MARCHF4: variants seen among roughly 807,000 people sequenced by gnomAD.
The protein encoded by MARCHF4 is E3 ubiquitin-protein ligase MARCHF4.
MARCHF4 carries 14 observed loss-of-function variants against 43.9 expected under a neutral mutation model. The ratio of observed to expected loss-of-function variants is 0.32; its 90% CI spans 0.21 to 0.50. MARCHF4 has a LOEUF of 0.50. Among genes scored for constraint, MARCHF4 ranks in the 20% least tolerant of loss-of-function variants. The pLI is 0.98. For missense variants in MARCHF4, 468 were observed against 536.7 expected (o/e 0.87, Z 1.27); for synonymous variants, 226 against 213.3 (o/e 1.06, Z -0.52).
At chr2:216,365,996 C>T (rs1173519491) in intron 1 of MARCHF4, among the ~76,000 whole-genome samples, 1 of 152,222 alleles carries the variant, frequency 6.6e-6, no homozygotes, top group Non-Finnish European at 1.5e-5. Context: ...AAACAGTCCA[C>T]ATCCATGCCA....
At position 216,357,278 on chromosome 2, in the gene MARCHF4, A is replaced by G. The variant is rs145435035; in HGVS notation, c.516+12467T>C. ...TGTTATATCACCTTAGACTCTTCCA[A>G]TCTGAGATAGTTCCCCATCATTCTG... is the stretch of plus-strand genomic sequence containing the variant. On this transcript the variant is annotated intron_variant, in intron 1 of 3. Coordinates refer to ENST00000273067, the MANE Select transcript of MARCHF4 (RefSeq NM_020814.3). 3.6e-3 allele frequency among the ~76,000 whole-genome samples: 555 copies of G among 152,200 alleles called. 4 individuals carry two copies. Among genetic ancestry groups the G allele is most frequent in the African/African-American group, 0.013 (520 of 41,516 alleles).
chr2:216,314,322 A>G (rs1691736880), intron 1 of MARCHF4, among the ~76,000 whole-genome samples: 1 of 147,956 alleles, frequency 6.8e-6, no homozygotes, highest in Non-Finnish European at 1.5e-5. Context: ...AAATGATGTA[A>G]CTACTTTTTT....
At chr2:216,335,763 T>C (rs1045214388) in intron 1 of MARCHF4, among the ~76,000 whole-genome samples, 2 of 151,998 alleles carry the variant, frequency 1.3e-5, no homozygotes, top group African/African-American at 4.8e-5. Flanking sequence ...TAGAAATATA[T>C]AAAATACAAA....
intron 3 of MARCHF4, among the ~76,000 whole-genome samples, chr2:216,274,030 G>A (rs751280862): frequency 6.6e-6 from 1 of 152,366 alleles, no homozygotes; most frequent in East Asian, 1.9e-4. Flanking sequence ...TGAGTTGGGG[G>A]CAACCCCTGG....
At chr2:216,337,014 T>C (rs1692169139) in intron 1 of MARCHF4, among the ~76,000 whole-genome samples, 2 of 151,826 alleles carry the variant, frequency 1.3e-5, no homozygotes, top group South Asian at 4.2e-4. Context: ...TAGCCAGGTA[T>C]GGTAGTGCAT....
chr2:216,340,603 C>T (rs77043894), intron 1 of MARCHF4, among the ~76,000 whole-genome samples: 2,963 of 152,268 alleles, frequency 0.019, 101 homozygotes, highest in African/African-American at 0.068. Flanking sequence ...CTTAGCCTAC[C>T]CTTGGTCCAG....
intron 3 of MARCHF4, among the ~76,000 whole-genome samples, chr2:216,261,921 C>A (rs1441229741): frequency 6.6e-6 from 1 of 152,106 alleles, no homozygotes; most frequent in African/African-American, 2.4e-5. Context: ...ACCCAAAAGC[C>A]TAGGGAAGGA....
intron 2 of MARCHF4, among the ~76,000 whole-genome samples, chr2:216,278,185 G>A (rs1488645954): frequency 6.6e-6 from 1 of 152,110 alleles, no homozygotes; most frequent in Non-Finnish European, 1.5e-5. Context: ...TGCAGAGCTA[G>A]TGAGGGTGGT....
intron 1 of MARCHF4, among the ~76,000 whole-genome samples, chr2:216,330,713 A>C (rs1047102205): frequency 1.3e-5 from 2 of 152,150 alleles, no homozygotes; most frequent in African/African-American, 2.4e-5. Context: ...TAACAAAAAA[A>C]CCCTAAAATA....
intron 1 of MARCHF4, among the ~76,000 whole-genome samples, chr2:216,313,077 C>T (rs1342798374): frequency 2.6e-5 from 4 of 152,080 alleles, no homozygotes; most frequent in Non-Finnish European, 5.9e-5. Context: ...GAGAGGGGTC[C>T]AGTTTCATTC....
chr2:216,288,805 G>A (rs1390882010), intron 1 of MARCHF4, among the ~76,000 whole-genome samples: 16 of 152,068 alleles, frequency 1.1e-4, no homozygotes, highest in Admixed American at 6.5e-4. Context: ...CCCAAAATAC[G>A]AAGGCGTGTT....
intron 1 of MARCHF4, among the ~76,000 whole-genome samples, chr2:216,361,715 TCCC>T: frequency 6.6e-6 from 1 of 152,130 alleles, no homozygotes; most frequent in South Asian, 2.1e-4. Context: ...AAAACATGTA[TCCC>T]TGATTGTCAG....
At chr2:216,295,188 C>T (rs1375749517) in intron 1 of MARCHF4, among the ~76,000 whole-genome samples, 2 of 152,182 alleles carry the variant, frequency 1.3e-5, no homozygotes, top group Non-Finnish European at 2.9e-5. Context: ...AAAGTAGGAT[C>T]AAAGATACTT....
At chr2:216,355,769 C>T (rs565315481) in intron 1 of MARCHF4, among the ~76,000 whole-genome samples, 1 of 152,344 alleles carries the variant, frequency 6.6e-6, no homozygotes, top group South Asian at 2.1e-4. Context: ...CTCCCTGGAA[C>T]AAAGATGCAC....
chr2:216,351,692 T>C (rs1692406889), intron 1 of MARCHF4, among the ~76,000 whole-genome samples: 1 of 152,164 alleles, frequency 6.6e-6, no homozygotes, highest in Non-Finnish European at 1.5e-5. Context: ...GATATGGCTA[T>C]GGCTAGCACA....
intron 1 of MARCHF4, among the ~76,000 whole-genome samples, chr2:216,285,129 T>A (rs1329583491): frequency 6.6e-6 from 1 of 152,174 alleles, no homozygotes; most frequent in African/African-American, 2.4e-5. Flanking sequence ...AGTTTTCATG[T>A]TTGAATAAGT....
At chr2:216,301,547 C>CTGTT (rs1353283410) in intron 1 of MARCHF4, among the ~76,000 whole-genome samples, 2 of 152,214 alleles carry the variant, frequency 1.3e-5, no homozygotes, top group African/African-American at 4.8e-5. Context: ...CATTCCTGTA[C>CTGTT]TGTTGTTTCA....
chr2:216,284,075 G>C (rs975234222), intron 1 of MARCHF4, among the ~76,000 whole-genome samples: 1 of 152,210 alleles, frequency 6.6e-6, no homozygotes, highest in Non-Finnish European at 1.5e-5. Context: ...CTCCGTAAAG[G>C]CTCAGCCAAG....
chr2:216,309,101 T>A (rs1284940494), intron 1 of MARCHF4, among the ~76,000 whole-genome samples: 1 of 152,206 alleles, frequency 6.6e-6, no homozygotes, highest in Non-Finnish European at 1.5e-5. Context: ...GCATAAAAAC[T>A]GGAGAATTGA....
Sources: allele counts gnomAD v4.1 joint callset (sites outside exome capture counted in the v4.1 genomes callset), GRCh38; gene constraint gnomAD v4.1.1; transcripts MANE v1.5; gene names NCBI Gene and HGNC (gene_info 2026-07-23, HGNC 2026-07-21).